WNK2: variants seen among roughly 807,000 people sequenced by gnomAD.
WNK2 encodes WNK lysine deficient protein kinase 2, also known as serine/threonine-protein kinase WNK2.
Under a neutral mutation model 192.1 loss-of-function variants are expected in WNK2, and 67 were observed. The observed-to-expected ratio is 0.35, with a 90% confidence interval of 0.29 to 0.43. WNK2 has a LOEUF of 0.43. Among genes scored for constraint, WNK2 ranks in the 20% least tolerant of loss-of-function variants. The probability of loss-of-function intolerance (pLI) is 1.00; values close to 1 mark genes in which losing one functional copy is unlikely to be tolerated. For synonymous variants in WNK2, 1,439 were observed against 1,393.9 expected (o/e 1.03, Z -0.72); for missense variants, 2,698 against 3,089.7 (o/e 0.87, Z 3.01).
chr9:93,255,893 C>T (rs1321969588), intron 9 of WNK2, among the ~76,000 whole-genome samples: 1 of 152,220 alleles, frequency 6.6e-6, no homozygotes, highest in Non-Finnish European at 1.5e-5. Context: ...TGCTCACATG[C>T]TGTTCCAGGG....
intron 8 of WNK2, among the ~76,000 whole-genome samples, chr9:93,251,569 G>A (rs1842613521): frequency 6.6e-6 from 1 of 152,194 alleles, no homozygotes; most frequent in Admixed American, 6.5e-5. Context: ...AATTAGCCAG[G>A]TGTGGTGGTG....
chr9:93,230,842 G>A (rs779979041), intron 3 of WNK2, 46 bp from the exon 4 acceptor site: 8 of 1,566,998 alleles, frequency 5.1e-6, no homozygotes, highest in South Asian at 2.3e-5. Context: ...CTAGGGGGCC[G>A]CTGCCGGCGA....
chr9:93,198,051 A>G (rs1424118195), intron 2 of WNK2, among the ~76,000 whole-genome samples: 1 of 152,164 alleles, frequency 6.6e-6, no homozygotes, highest in African/African-American at 2.4e-5. Flanking sequence ...AAAGTTTCCC[A>G]GTTTACTAAG....
intron 6 of WNK2, 91 bp downstream of exon 6, chr9:93,238,412 C>A: frequency 7.8e-7 from 1 of 1,278,418 alleles, no homozygotes; most frequent in Non-Finnish European, 1.1e-6. Context: ...GATGAGGGGA[C>A]TTCAAGACAG....
rs768824137 is a variant in WNK2 at position 93,320,349 on chromosome 9, C to A, written c.6629-18C>A. ...ACTGCGGTGGGCCCACAGTCAGCTG[C>A]GCGGTTTTGTTTTCCAGATCCTGAG... is the stretch of plus-strand genomic sequence containing the variant. On this transcript the variant is annotated intron_variant, in intron 29 of 29. Transcript: ENST00000427277. 3 of 1,367,350 alleles carry A rather than the reference C, an allele frequency of 2.2e-6. No individual in the cohort carries two copies. The highest frequency in any genetic ancestry group is 3.8e-5 in the Admixed American group (2 of 52,572). The allele number at this position is 1,367,350 out of a possible 1,614,324, so 84.7% of individuals were successfully genotyped here. A position where few individuals can be genotyped will look rare whatever the true frequency, so the allele number is the denominator to read the frequency against.
intron 2 of WNK2, among the ~76,000 whole-genome samples, chr9:93,210,006 G>A (rs1490738428): frequency 6.6e-6 from 1 of 152,188 alleles, no homozygotes; most frequent in African/African-American, 2.4e-5. Flanking sequence ...TTTCCATGCT[G>A]TGGTGGGGAG....
intron 19 of WNK2, among the ~76,000 whole-genome samples, chr9:93,277,655 AC>A (rs969743011): frequency 3.3e-5 from 5 of 152,302 alleles, no homozygotes; most frequent in Admixed American, 3.3e-4. Flanking sequence ...ATGATAAGGA[AC>A]AGGGTCAGTG....
intron 16 of WNK2, among the ~76,000 whole-genome samples, chr9:93,266,606 C>A (rs1845209291): frequency 6.6e-6 from 1 of 152,196 alleles, no homozygotes; most frequent in African/African-American, 2.4e-5. Context: ...ACAGTGTACT[C>A]CTCTTAGACA....
Position 93,320,472 on chromosome 9 carries a change from C to G in WNK2, c.*80C>G. ...CCTCAGGGCCAGCTGCTCCTCCTGT[C>G]CAGTTCACGCTGTTTTGTAACCACT... On this transcript the variant is annotated 3_prime_UTR_variant, in exon 30 of 30. Coordinates refer to ENST00000427277, the MANE Select transcript of WNK2 (RefSeq NM_006648.4). 7.5e-7 allele frequency: 1 copy of G among 1,328,578 alleles called. No homozygotes were observed. The highest frequency in any genetic ancestry group is 1.0e-6 in the Non-Finnish European group (1 of 987,432). The allele number at this position is 1,328,578 out of a possible 1,614,324, so 82.3% of individuals were successfully genotyped here. A position where few individuals can be genotyped will look rare whatever the true frequency, so the allele number is the denominator to read the frequency against.
intron 29 of WNK2, chr9:93,318,023 C>G: frequency 6.2e-7 from 1 of 1,612,748 alleles, no homozygotes; most frequent in Non-Finnish European, 8.5e-7. Flanking sequence ...CCTGTTCGCT[C>G]CTAGGTTCCT....
intron 2 of WNK2, among the ~76,000 whole-genome samples, chr9:93,207,976 C>G (rs1425236388): frequency 2.0e-5 from 3 of 152,214 alleles, no homozygotes; most frequent in Non-Finnish European, 4.4e-5. Flanking sequence ...GATGCCTGCT[C>G]CCTTCCTCCT....
At chr9:93,318,796 AC>A in intron 29 of WNK2, 1 of 1,407,958 alleles carries the variant, frequency 7.1e-7, no homozygotes, top group Non-Finnish European at 9.2e-7. Context: ...TTTCAGTGGG[AC>A]TCGTCCCCAG....
chr9:93,249,085 T>C (rs2132537971), intron 8 of WNK2, among the ~76,000 whole-genome samples: 1 of 152,330 alleles, frequency 6.6e-6, no homozygotes, highest in East Asian at 1.9e-4. Context: ...GAGAATAAAA[T>C]TGGTACATTA....
intron 2 of WNK2, among the ~76,000 whole-genome samples, chr9:93,196,312 G>A (rs1454382836): frequency 6.6e-6 from 1 of 152,170 alleles, no homozygotes; most frequent in East Asian, 1.9e-4. Flanking sequence ...ATTCTCAGCT[G>A]TGAGCCGACT....
chr9:93,254,990 T>C (rs540653870), intron 9 of WNK2, among the ~76,000 whole-genome samples: 100 of 152,220 alleles, frequency 6.6e-4, no homozygotes, highest in African/African-American at 2.2e-3. Flanking sequence ...GGGCTCCCAC[T>C]GGGCCAAGTC....
rs761113133 is a variant in WNK2, at chr9:93,263,981, C to A, written c.3644C>A (p.Thr1215Asn). ...QLETHNHKMV[T>N]FKFDLDGDAP... ...GAGACGCACAACCACAAGATGGTGA[C>A]CTTCAAGTTCGACTTGGACGGGGAC... is the stretch of plus-strand genomic sequence containing the variant. The change falls in exon 16 of 30, where the codon ACC becomes AAC. Residue 1215 changes from threonine to asparagine, a missense_variant. Physicochemically the swap from Thr to Asn is moderately conservative, Grantham distance 65. Transcript: ENST00000427277. 6.2e-7 allele frequency: 1 copy of A among 1,613,578 alleles called. No individual in the cohort carries two copies.
intron 5 of WNK2, among the ~76,000 whole-genome samples, chr9:93,235,656 C>T (rs1445416727): frequency 1.3e-5 from 2 of 152,260 alleles, no homozygotes; most frequent in Admixed American, 1.3e-4. Flanking sequence ...TCTGCACCAC[C>T]CGTCTTGTTG....
Position 93,241,427 on chromosome 9 carries a change from C to T in WNK2, c.1542+1451C>T, listed in dbSNP as rs148958804. Among the ~76,000 whole-genome samples, 615 of 152,308 alleles carry T rather than the reference C, an allele frequency of 4.0e-3. 6 individuals are homozygous for T. Among genetic ancestry groups the T allele is most frequent in the African/African-American group, 0.014 (579 of 41,556 alleles). On this transcript the variant is annotated intron_variant, in intron 7 of 29. Transcript: ENST00000427277. ...CATGTGTCCTGACCACAGAGGTGCT[C>T]GCTGTTTTTTCTTTCTTTTGAATAA...
chr9:93,320,227 A>T (rs1855296277), intron 29 of WNK2, 140 bp from the exon 30 acceptor site: 3 of 886,632 alleles, frequency 3.4e-6, no homozygotes, highest in Admixed American at 4.8e-5. Context: ...GGACAAGACC[A>T]TCTACACAGG....
Sources: allele counts gnomAD v4.1 joint callset (sites outside exome capture counted in the v4.1 genomes callset), GRCh38; gene constraint gnomAD v4.1.1; transcripts MANE v1.5; gene names NCBI Gene and HGNC (gene_info 2026-07-23, HGNC 2026-07-21).